The following AGL variants were observed in gnomAD, a reference collection of about 807,000 sequenced individuals.
AGL encodes glycogen debranching enzyme.
In AGL, 128 loss-of-function variants were observed where a neutral mutation model predicts 199.3. That is an observed-to-expected ratio of 0.64 (90% CI 0.56 to 0.74). The LOEUF is 0.74. Among genes scored for constraint, AGL ranks in the 30% least tolerant of loss-of-function variants. AGL has a pLI of 0.00. For synonymous variants in AGL, 584 were observed against 594.7 expected, an observed-to-expected ratio of 0.98 and a Z score of 0.26; for missense variants, 1,809 against 1,820.8, an observed-to-expected ratio of 0.99 and a Z score of 0.12.
intron 8 of AGL, 72 bp from the exon 9 acceptor site, chr1:99,875,082 G>A: frequency 1.5e-6 from 2 of 1,359,524 alleles, no homozygotes; most frequent in Non-Finnish European, 1.0e-6. Context: ...TGTGACCTTT[G>A]TTAGAAAGTT....
intron 2 of AGL, among the ~76,000 whole-genome samples, chr1:99,852,998 A>C (rs1649106662): frequency 6.6e-6 from 1 of 152,054 alleles, no homozygotes; most frequent in Non-Finnish European, 1.5e-5. Flanking sequence ...CTCCATTTTT[A>C]TAGTTCCCAG....
chr1:99,852,561 A>C, intron 2 of AGL: 1 of 551,812 alleles, frequency 1.8e-6, no homozygotes, highest in South Asian at 2.3e-5. Flanking sequence ...TTTTTTGTAG[A>C]AACTGGGTCT....
At chr1:99,879,491 G>A (rs1212587416) in intron 12 of AGL, among the ~76,000 whole-genome samples, 4 of 152,190 alleles carry the variant, frequency 2.6e-5, no homozygotes, top group African/African-American at 9.6e-5. Flanking sequence ...GGCTGAGGCT[G>A]GAGAATTTCT....
At chr1:99,876,926 G>C (rs551873296) in intron 11 of AGL, among the ~76,000 whole-genome samples, 1 of 152,112 alleles carries the variant, frequency 6.6e-6, no homozygotes, top group Non-Finnish European at 1.5e-5. Flanking sequence ...TGAAACCACT[G>C]CTATTACAAT....
intron 20 of AGL, among the ~76,000 whole-genome samples, chr1:99,886,852 CTG>C (rs1287515496): frequency 1.3e-5 from 2 of 152,156 alleles, no homozygotes; most frequent in Non-Finnish European, 2.9e-5. Context: ...ACCAAAAAAT[CTG>C]TGATGAAGCA....
chr1:99,918,883 GT>G (rs374825307), intron 33 of AGL, among the ~76,000 whole-genome samples: 5 of 152,226 alleles, frequency 3.3e-5, no homozygotes, highest in African/African-American at 1.2e-4. Context: ...AAATTATGAC[GT>G]TTTCAAATCT....
At position 99,899,724 on chromosome 1, in the gene AGL, C is replaced by T. The variant is rs374778263; in HGVS notation, c.3363-912C>T. 6.3e-4 allele frequency among the ~76,000 whole-genome samples: 96 copies of T among 151,926 alleles called. No homozygotes were observed. In the East Asian group the frequency reaches 8.9e-3, roughly 14 times the overall value. ...CAAGCTCCGCCTCCCTGGTTCACGC[C>T]GTTCTCCTGCCTCAGCCTCCTGAGT... On this transcript the variant is annotated intron_variant, in intron 25 of 33. Transcript: ENST00000361915.
intron 25 of AGL, among the ~76,000 whole-genome samples, chr1:99,899,912 G>A (rs1313169185): frequency 7.9e-5 from 12 of 151,354 alleles, no homozygotes; most frequent in African/African-American, 4.9e-5. Context: ...GAGCCACCAC[G>A]CCCGGCCTTC....
intron 24 of AGL, among the ~76,000 whole-genome samples, chr1:99,893,163 A>G (rs1388021484): frequency 6.6e-6 from 1 of 152,190 alleles, no homozygotes; most frequent in Non-Finnish European, 1.5e-5. Flanking sequence ...ATACATTTCA[A>G]GCATATTTCT....
chr1:99,856,804 A>G (rs1477236785), intron 2 of AGL, among the ~76,000 whole-genome samples: 1 of 152,218 alleles, frequency 6.6e-6, no homozygotes, highest in Admixed American at 6.5e-5. Context: ...AATTTTTCTT[A>G]GTACAGAACA....
At chr1:99,908,071 C>CA (rs1181390220) in intron 27 of AGL, among the ~76,000 whole-genome samples, 1 of 151,998 alleles carries the variant, frequency 6.6e-6, no homozygotes, top group Non-Finnish European at 1.5e-5. Flanking sequence ...GTATCATATG[C>CA]AAAAAAGCCT....
intron 25 of AGL, among the ~76,000 whole-genome samples, chr1:99,896,841 C>T (rs549029164): frequency 1.9e-4 from 29 of 152,216 alleles, no homozygotes; most frequent in African/African-American, 6.3e-4. Context: ...GACAGAGTCT[C>T]GCACTGTCGT....
intron 2 of AGL, 116 bp downstream of exon 2, chr1:99,851,240 AC>A: frequency 1.1e-6 from 1 of 950,616 alleles, no homozygotes; most frequent in Non-Finnish European, 1.7e-6. Flanking sequence ...AGGGTCTAAA[AC>A]TTGATTTGTG....
At position 99,881,523 on chromosome 1, in the gene AGL, G is replaced by A. The variant is rs2100760038; in HGVS notation, c.2158-18G>A. 3.1e-6 allele frequency: 5 copies of A among 1,613,818 alleles called. No homozygotes were observed. Among genetic ancestry groups the A allele is most frequent in the Non-Finnish European group, 4.2e-6 (5 of 1,179,848 alleles). On this transcript the variant is annotated intron_variant, in intron 16 of 33. Transcript: ENST00000361915. Reference sequence around the variant, plus strand: ...TTCCAGTTTGAGAGCTAATCTAGTTGTTCTTTCTGCTTCTCAGGTGTATGT... The same window carrying A: ...TTCCAGTTTGAGAGCTAATCTAGTTATTCTTTCTGCTTCTCAGGTGTATGT...
chr1:99,921,947 G>T lies in AGL; in HGVS notation c.*296G>T. On this transcript the variant is annotated 3_prime_UTR_variant, in exon 34 of 34. Coordinates refer to ENST00000361915, the MANE Select transcript of AGL (RefSeq NM_000642.3). ...AGAAAAATCATGTCATCTTCTATTT[G>T]TACAGAAATGAAAATAAAATATGAA... 9.3e-6 allele frequency: 2 copies of T among 215,686 alleles called. No individual in the cohort carries two copies. The highest frequency in any genetic ancestry group is 1.2e-4 in the South Asian group (1 of 8,540). 13.4% of individuals were successfully genotyped at this position (215,686 alleles called of 1,614,324 possible).
chr1:99,863,544 C>T (rs1486441758), intron 4 of AGL, among the ~76,000 whole-genome samples: 1 of 152,070 alleles, frequency 6.6e-6, no homozygotes, highest in Non-Finnish European at 1.5e-5. Context: ...GCTCCGCCTC[C>T]TGGGTTCACA....
chr1:99,905,378 G>T (rs1570493262), intron 27 of AGL, among the ~76,000 whole-genome samples: 1 of 110,454 alleles, frequency 9.1e-6, no homozygotes, highest in African/African-American at 3.3e-5. Context: ...TGTATTTGTT[G>T]TTGTTGTTGT....
At chr1:99,856,203 G>A (rs1649400502) in intron 2 of AGL, among the ~76,000 whole-genome samples, 1 of 152,096 alleles carries the variant, frequency 6.6e-6, no homozygotes, top group Admixed American at 6.5e-5. Context: ...TTTAGTTTCA[G>A]TGATTTGCAT....
intron 21 of AGL, among the ~76,000 whole-genome samples, chr1:99,889,649 A>G (rs2100783569): frequency 6.6e-6 from 1 of 152,322 alleles, no homozygotes; most frequent in South Asian, 2.1e-4. Flanking sequence ...TTGAGTAATT[A>G]TCTACTTCAT....
Sources: gnomAD v4.1 joint callset for allele counts (sites outside exome capture counted in the v4.1 genomes callset) on GRCh38, gnomAD v4.1.1 for gene constraint, MANE v1.5 for transcripts, NCBI Gene and HGNC (gene_info 2026-07-23, HGNC 2026-07-21) for gene names.